Variants in PAM observed in about 807,000 individuals in gnomAD.
PAM encodes the protein peptidylglycine alpha-amidating monooxygenase, also known as peptidyl-glycine alpha-amidating monooxygenase.
Under a neutral mutation model 122.1 loss-of-function variants are expected in PAM, and 72 were observed. The ratio of observed to expected loss-of-function variants is 0.59; its 90% CI spans 0.49 to 0.72. PAM has a LOEUF of 0.72. Ranked by LOEUF, PAM falls within the 30% of genes least tolerant of loss-of-function variation. PAM has a pLI of 0.00. For missense variants in PAM, 1,106 were observed against 1,183.7 expected (o/e 0.93, Z 0.96); for synonymous variants, 389 against 404.4 (o/e 0.96, Z 0.46).
At chr5:102,837,581 ATTAAT>A (rs1234989160) in intron 1 of PAM, 2 of 152,206 alleles carry the variant, frequency 1.3e-5, no homozygotes, top group East Asian at 3.8e-4. Context: ...TGATATAAGG[ATTAAT>A]TTAAGTAACT....
At chr5:102,961,701 A>G (rs1296345135) in intron 14 of PAM, among the ~76,000 whole-genome samples, 1 of 151,916 alleles carries the variant, frequency 6.6e-6, no homozygotes, top group Non-Finnish European at 1.5e-5. Flanking sequence ...AGGAGCGATT[A>G]TTGTCTTATA....
In PAM at chr5:102,949,548, G is replaced by T; in HGVS notation, c.655G>T (p.Asp219Tyr). ...IPAGEKVVNSDISCHYKNYPM... is the reference protein window; with the variant it reads ...IPAGEKVVNSYISCHYKNYPM... The stretch of plus-strand genomic sequence containing the variant: ...TTCATTTCCCACAGTGGTGAATTCT[G>T]ACATTTCATGCCATTATAAAAATTA... The change falls in exon 10 of 26, where the codon GAC becomes TAC. Residue 219 changes from aspartate (D) to tyrosine (Y), a missense_variant. By Grantham distance (160) the Asp-to-Tyr change is radical (BLOSUM62 -3). Around this residue, in one of 3 missense-constraint regions of PAM, gnomAD observed 670 missense variants for 690.3 expected, o/e 0.97. Coordinates refer to ENST00000438793, the MANE Select transcript of PAM (RefSeq NM_001177306.2). 1.3e-6 allele frequency: 2 copies of T among 1,519,374 alleles called. No homozygotes were observed. The highest frequency in any genetic ancestry group is 2.2e-5 in the South Asian group (2 of 89,082). 94.1% of individuals were successfully genotyped at this position (1,519,374 alleles called of 1,614,324 possible).
chr5:102,930,619 C>A (rs1281008951), intron 7 of PAM, among the ~76,000 whole-genome samples: 2 of 152,112 alleles, frequency 1.3e-5, no homozygotes, highest in Non-Finnish European at 2.9e-5. Context: ...CCATAAAGAT[C>A]CTTGCTAGGA....
At chr5:102,945,295 A>G (rs977798761) in intron 7 of PAM, among the ~76,000 whole-genome samples, 1 of 152,068 alleles carries the variant, frequency 6.6e-6, no homozygotes, top group African/African-American at 2.4e-5. Flanking sequence ...CCTGTAAGGC[A>G]CTATCCTATG....
intron 4 of PAM, among the ~76,000 whole-genome samples, chr5:102,912,378 A>T (rs1278989048): frequency 1.6e-4 from 24 of 152,002 alleles, no homozygotes; most frequent in Admixed American, 1.6e-3. Flanking sequence ...TTTAATAAAA[A>T]TGAATATAAG....
In PAM at chr5:102,779,918, T is replaced by TATATACACACACAC. The variant is rs147065045; in HGVS notation, c.-374+24571_-374+24572insTATACACACACACA. ...ATATATATATATATATATATATATA[T>TATATACACACACAC]ACACACATATATATATGTATATATC... On this transcript the variant is annotated intron_variant, in intron 1 of 25. Transcript: ENST00000438793. Among the ~76,000 whole-genome samples, 761 of 95,538 alleles carry TATATACACACACAC rather than the reference T, an allele frequency of 8.0e-3. 12 individuals carry two copies. The highest frequency in any genetic ancestry group is 0.02 in the African/African-American group (446 of 22,006). The allele number at this position is 95,538 out of a possible 152,430, so 62.7% of individuals were successfully genotyped here.
intron 7 of PAM, among the ~76,000 whole-genome samples, chr5:102,946,490 TCAG>T (rs1757079184): frequency 6.6e-6 from 1 of 150,926 alleles, no homozygotes; most frequent in Non-Finnish European, 1.5e-5. Context: ...CTATTTTAGT[TCAG>T]CAACTTTTCT....
chr5:102,910,039 T>C (rs1398480184), intron 4 of PAM, among the ~76,000 whole-genome samples: 29 of 151,916 alleles, frequency 1.9e-4, no homozygotes, highest in Admixed American at 6.6e-5. Flanking sequence ...CCAAAATTGC[T>C]GGTTTCTCTA....
chr5:102,884,464 A>G (rs1792315455), intron 3 of PAM, among the ~76,000 whole-genome samples: 1 of 151,882 alleles, frequency 6.6e-6, no homozygotes, highest in African/African-American at 2.4e-5. Flanking sequence ...TTTGGAAACA[A>G]ATAGATCCAG....
chr5:102,867,364 A>G lies in PAM; in HGVS notation c.181A>G (p.Ile61Val), dbSNP rs1260635898. 6.2e-7 allele frequency: 1 copy of G among 1,609,086 alleles called. No individual in the cohort carries two copies. Among genetic ancestry groups the G allele is most frequent in the Admixed American group, 1.7e-5 (1 of 60,014 alleles). ...TGATTCATCAGATTTTGCATTGGAT[A>G]TTCGCATGCCTGGGGTTACACCTAA... The part of the protein sequence containing the change: ...PIDSSDFALD[I>V]RMPGVTPKQS... Residue 61 changes from isoleucine to valine, a missense_variant, in exon 3 of 26, where the codon ATT (isoleucine) becomes GTT (valine). Ile to Val is a conservative substitution (Grantham distance 29). Around this residue, in one of 3 missense-constraint regions of PAM, gnomAD observed 670 missense variants for 690.3 expected, o/e 0.97. Coordinates refer to ENST00000438793, the MANE Select transcript of PAM (RefSeq NM_001177306.2).
At chr5:103,013,644 A>C (rs1781235911) in intron 21 of PAM, among the ~76,000 whole-genome samples, 1 of 152,310 alleles carries the variant, frequency 6.6e-6, no homozygotes, top group East Asian at 1.9e-4. Context: ...ATTAATAGAA[A>C]TTAGTCTAAT....
chr5:102,837,834 C>A (rs1580763917), intron 1 of PAM: 1 of 152,244 alleles, frequency 6.6e-6, no homozygotes, highest in East Asian at 1.9e-4. Flanking sequence ...ATAATGCAAT[C>A]AATTATGTGG....
rs149198669 is a variant in PAM at position 102,791,436 on chromosome 5, C to T, written c.-374+36088C>T. Among the ~76,000 whole-genome samples, 1,296 of 152,028 alleles carry T rather than the reference C, an allele frequency of 8.5e-3. 17 individuals are homozygous for T. Among genetic ancestry groups the T allele is most frequent in the African/African-American group, 0.03 (1,252 of 41,526 alleles). ...TTATAACTTGGATTGATAACATGAA[C>T]ATTTTTTATATTATTTTTGAACATT... On this transcript the variant is annotated intron_variant, in intron 1 of 25. Coordinates refer to ENST00000438793, the MANE Select transcript of PAM (RefSeq NM_001177306.2).
At position 102,974,446 on chromosome 5, in the gene PAM, G is replaced by T. The variant is rs375370175; in HGVS notation, c.1483+10G>T. On this transcript the variant is annotated intron_variant, in intron 15 of 25. Transcript: ENST00000438793. ...CCAGAACACACAGGAGGTGCGTGTA[G>T]GGTTTCTTTTAAGCAGTAAAGTGTG... The T allele has an allele frequency of 1.3e-4, 200 of 1,589,024 alleles. No homozygotes were observed. Among genetic ancestry groups the T allele is most frequent in the Non-Finnish European group, 1.7e-4 (193 of 1,164,104 alleles).
chr5:102,805,036 T>G (rs1216262067), intron 1 of PAM, among the ~76,000 whole-genome samples: 1 of 151,682 alleles, frequency 6.6e-6, no homozygotes, highest in African/African-American at 2.4e-5. Flanking sequence ...AGTGCTGGTT[T>G]GTCTGTTTCT....
intron 1 of PAM, among the ~76,000 whole-genome samples, chr5:102,857,134 G>C (rs1448978258): frequency 2.0e-5 from 3 of 152,146 alleles, no homozygotes; most frequent in African/African-American, 7.2e-5. Context: ...AAAAAAAATA[G>C]AAAGGGCAAA....
chr5:102,793,295 C>T (rs998864851), intron 1 of PAM, among the ~76,000 whole-genome samples: 1 of 151,680 alleles, frequency 6.6e-6, no homozygotes, highest in East Asian at 1.9e-4. Flanking sequence ...TTGGCAGATT[C>T]GGAGGATCCC....
At chr5:102,883,304 AGTATG>A (rs1197773865) in intron 3 of PAM, among the ~76,000 whole-genome samples, 2 of 151,498 alleles carry the variant, frequency 1.3e-5, no homozygotes, top group African/African-American at 4.8e-5. Flanking sequence ...GTAAATTGGC[AGTATG>A]GTCATTTTCA....
intron 15 of PAM, among the ~76,000 whole-genome samples, chr5:102,981,098 G>A (rs1769647242): frequency 6.6e-6 from 1 of 152,054 alleles, no homozygotes; most frequent in Non-Finnish European, 1.5e-5. Context: ...GGTGAAGATA[G>A]GCTCAAAACA....
Sources: gnomAD v4.1 joint callset for allele counts (sites outside exome capture counted in the v4.1 genomes callset) on GRCh38, gnomAD v4.1.1 for gene constraint, gnomAD v4.1.1 regional missense constraint, MANE v1.5 for transcripts, NCBI Gene and HGNC (gene_info 2026-07-23, HGNC 2026-07-21) for gene names.